Variants in TARBP1 observed in about 807,000 individuals in gnomAD.
TARBP1 encodes the protein tRNA (guanosine(18)-2'-O)-methyltransferase TARBP1.
TARBP1 carries 144 observed loss-of-function variants against 178.6 expected under a neutral mutation model. The ratio of observed to expected loss-of-function variants is 0.81; its 90% CI spans 0.70 to 0.93. TARBP1 has a LOEUF of 0.93. Ranked by LOEUF, TARBP1 falls within the 40% of genes least tolerant of loss-of-function variation. The probability of loss-of-function intolerance (pLI) is 0.00; values close to 1 mark genes in which losing one functional copy is unlikely to be tolerated. For synonymous variants in TARBP1, 787 were observed against 781.0 expected, an observed-to-expected ratio of 1.01 and a Z score of -0.13; for missense variants, 2,067 against 2,011.7, an observed-to-expected ratio of 1.03 and a Z score of -0.53.
chr1:234,451,766 A>AAAAAAAAAAAAAAAAAAAAAAAAAAAC (rs57636903), intron 9 of TARBP1, among the ~76,000 whole-genome samples: 4 of 17,174 alleles, frequency 2.3e-4, no homozygotes, highest in Non-Finnish European at 3.5e-4. Context: ...AAAAAAAAAA[A>AAAAAAAAAAAAAAAAAAAAAAAAAAAC]TGATGAATGA....
rs763317017 is a variant in TARBP1 at position 234,430,314 on chromosome 1, T to C, written c.2395-13A>G. 30 of 1,610,074 alleles carry C rather than the reference T, an allele frequency of 1.9e-5. 1 individual carries two copies. The highest frequency in any genetic ancestry group is 3.3e-5 in the Admixed American group (2 of 59,946). On this transcript the variant is annotated splice_polypyrimidine_tract_variant and intron_variant, in intron 14 of 29. Transcript: ENST00000040877. ...CAACTGTTGGCTCCTGAAAAGGAAA[T>C]GTGACAATGTTTTATTTAATATGCA...
Position 234,479,150 on chromosome 1 carries a change from C to T in TARBP1, c.-47G>A, listed in dbSNP as rs6689217. ...GGCCCGGGCTCCCAAAGGAAGGCGC[C>T]GGCGTGTGCGATGCGTGCGCACAGG... On this transcript the variant is annotated 5_prime_UTR_variant, in exon 1 of 30. Transcript: ENST00000040877. The T allele has an allele frequency of 2.7e-3, 3,896 of 1,461,844 alleles. 102 individuals are homozygous for T. The African/African-American group carries it at 0.051, about 19-fold the overall frequency. The allele number at this position is 1,461,844 out of a possible 1,614,324, so 90.6% of individuals were successfully genotyped here.
At chr1:234,469,700 G>A (rs566745118) in intron 3 of TARBP1, among the ~76,000 whole-genome samples, 13 of 152,304 alleles carry the variant, frequency 8.5e-5, no homozygotes, top group Non-Finnish European at 1.5e-4. Flanking sequence ...TATGAACACA[G>A]GCCAAAACAC....
chr1:234,467,690 CTTCAT>C (rs1313984818), intron 3 of TARBP1, 40 bp from the exon 4 acceptor site: 1 of 1,520,558 alleles, frequency 6.6e-7, no homozygotes, highest in African/African-American at 1.4e-5. Context: ...CTGATTCTGT[CTTCAT>C]TTCACCATCA....
At position 234,459,128 on chromosome 1, in the gene TARBP1, C is replaced by A. The variant is rs913735760; in HGVS notation, c.1632+102G>T. On this transcript the variant is annotated intron_variant, in intron 8 of 29. Coordinates refer to ENST00000040877, the MANE Select transcript of TARBP1 (RefSeq NM_005646.4). ...CATTTATTATTTTATTACAAGCAGG[C>A]CTTTCTAATGGCAGTATCACAGGTC... is the stretch of plus-strand genomic sequence containing the variant. The A allele has an allele frequency of 4.0e-5, 29 of 724,942 alleles. 1 individual carries two copies. The highest frequency in any genetic ancestry group is 2.4e-4 in the Middle Eastern group (1 of 4,104). The allele number at this position is 724,942 out of a possible 1,614,324, so 44.9% of individuals were successfully genotyped here.
intron 15 of TARBP1, 103 bp from the exon 16 acceptor site, chr1:234,429,780 G>C: frequency 8.6e-7 from 1 of 1,159,360 alleles, no homozygotes; most frequent in Non-Finnish European, 1.2e-6. Context: ...GGGGGGGGCA[G>C]TGTACAGATA....
At position 234,437,359 on chromosome 1, in the gene TARBP1, A is replaced by C. The variant is rs762641448; in HGVS notation, c.2148T>G (p.Thr716=). 1 of 1,575,358 alleles carries C rather than the reference A, an allele frequency of 6.3e-7. No homozygotes were observed. The highest frequency in any genetic ancestry group is 1.2e-5 in the South Asian group (1 of 82,224). The change falls in exon 13 of 30, where the codon ACT becomes ACG. Residue 716 remains threonine (T), a synonymous_variant. Coordinates refer to ENST00000040877, the MANE Select transcript of TARBP1 (RefSeq NM_005646.4). ...TAGACATGAAAAAGTTCTGAAGAAC[A>C]GTAGACACCTCATCTGTATGGGGGC... The part of the protein sequence containing the change: ...GSSAQDDEVS[T]VLQNFFMSTT...
chr1:234,406,290 A>G, intron 23 of TARBP1, 191 bp from the exon 24 acceptor site: 1 of 577,600 alleles, frequency 1.7e-6, no homozygotes, highest in African/African-American at 1.9e-5. Context: ...AATTTACTCA[A>G]GGAAAAACAC....
At chr1:234,411,794 A>G (rs952983861) in intron 22 of TARBP1, among the ~76,000 whole-genome samples, 13 of 152,204 alleles carry the variant, frequency 8.5e-5, no homozygotes, top group African/African-American at 3.1e-4. Flanking sequence ...TCATAATCAT[A>G]GTGGTTTTGG....
chr1:234,403,803 C>T (rs775053002), intron 24 of TARBP1, among the ~76,000 whole-genome samples: 1 of 152,188 alleles, frequency 6.6e-6, no homozygotes, highest in Non-Finnish European at 1.5e-5. Flanking sequence ...CCTGCCTCAG[C>T]CTCCCGAGTA....
Position 234,432,949 on chromosome 1 carries a change from TATATGTTTA to T in TARBP1, c.2394+452_2394+460del, listed in dbSNP as rs1164075320. Among the ~76,000 whole-genome samples, 6 of 152,178 alleles carry T rather than the reference TATATGTTTA, an allele frequency of 3.9e-5. No homozygotes were observed. In the East Asian group the frequency reaches 9.6e-4, roughly 24 times the overall value. On this transcript the variant is annotated intron_variant, in intron 14 of 29. Coordinates refer to ENST00000040877, the MANE Select transcript of TARBP1 (RefSeq NM_005646.4). ...TAAATGATTTTAAGATGATGCCTCTTATATGTTTAATATTATATTAAGAGTATCACCTGT... is the reference window on the plus strand; with the variant it reads ...TAAATGATTTTAAGATGATGCCTCTTATATTATATTAAGAGTATCACCTGT...
chr1:234,417,761 T>C (rs1442059829), intron 22 of TARBP1, among the ~76,000 whole-genome samples: 7 of 152,210 alleles, frequency 4.6e-5, no homozygotes, highest in Non-Finnish European at 8.8e-5. Context: ...TCCTCATCGT[T>C]CATATTTCTA....
At chr1:234,401,131 T>A in intron 25 of TARBP1, 50 bp downstream of exon 25, 1 of 1,465,814 alleles carries the variant, frequency 6.8e-7, no homozygotes, top group Non-Finnish European at 9.4e-7. Flanking sequence ...AAAGGAAGCA[T>A]CAGGATTAAA....
At chr1:234,450,655 C>T (rs1389201803) in intron 9 of TARBP1, 89 bp from the exon 10 acceptor site, 9 of 1,373,966 alleles carry the variant, frequency 6.6e-6, no homozygotes, top group Middle Eastern at 2.2e-4. Flanking sequence ...CTTTCTTTCA[C>T]GATAAACCAA....
intron 14 of TARBP1, among the ~76,000 whole-genome samples, chr1:234,432,624 T>C (rs1007915255): frequency 6.6e-6 from 1 of 152,158 alleles, no homozygotes; most frequent in Non-Finnish European, 1.5e-5. Context: ...GGAGACCAGA[T>C]GCTGCCAAGT....
rs145370837 is a variant in TARBP1 at position 234,401,201 on chromosome 1, G to A, written c.4051C>T (p.Leu1351Phe). The change falls in exon 25 of 30, where the codon CTC becomes TTC. Residue 1351 changes from leucine (L) to phenylalanine (F), a missense_variant. By Grantham distance (22) the Leu-to-Phe change is conservative (BLOSUM62 0). Transcript: ENST00000040877. Reference protein sequence around the residue: ...EHFFFATFHPLKDYCLETIFY... With the variant: ...EHFFFATFHPFKDYCLETIFY... ...CTCACCTCTAGACAATAATCCTTGA[G>A]TGGGTGAAATGTTGCAAAAAAGAAA... The A allele has an allele frequency of 2.5e-5, 40 of 1,613,336 alleles. No individual in the cohort carries two copies. In the African/African-American group the frequency reaches 4.5e-4, roughly 18 times the overall value.
chr1:234,405,557 T>C (rs980902680), intron 24 of TARBP1: 2 of 211,998 alleles, frequency 9.4e-6, no homozygotes, highest in Non-Finnish European at 1.9e-5. Context: ...ATTAAAAGTA[T>C]GTCTTTAAAG....
At chr1:234,467,357 T>C in intron 4 of TARBP1, 145 bp downstream of exon 4, 1 of 803,044 alleles carries the variant, frequency 1.2e-6, no homozygotes, top group Non-Finnish European at 1.8e-6. Context: ...CATAAGCTTT[T>C]TCCAAATAGG....
chr1:234,421,335 C>T (rs983722017), intron 20 of TARBP1, among the ~76,000 whole-genome samples: 3 of 152,106 alleles, frequency 2.0e-5, no homozygotes, highest in East Asian at 1.9e-4. Flanking sequence ...GTGATCCACC[C>T]GCCTCAGCCT....
Sources: gnomAD v4.1 joint callset for allele counts (sites outside exome capture counted in the v4.1 genomes callset) on GRCh38, gnomAD v4.1.1 for gene constraint, MANE v1.5 for transcripts, NCBI Gene and HGNC (gene_info 2026-07-23, HGNC 2026-07-21) for gene names.